INPP4B: variants seen among roughly 807,000 people sequenced by gnomAD.
INPP4B encodes inositol polyphosphate 4-phosphatase type II.
A neutral mutation model predicts 122.5 loss-of-function variants in INPP4B; 55 were observed. That is an observed-to-expected ratio of 0.45 (90% CI 0.36 to 0.56). INPP4B has a LOEUF of 0.56. Among genes scored for constraint, INPP4B ranks in the 20% least tolerant of loss-of-function variants. The pLI, the probability that INPP4B is intolerant of heterozygous loss-of-function variation, is 0.00. For missense variants in INPP4B, 1,000 were observed against 1,097.7 expected (o/e 0.91, Z 1.26); for synonymous variants, 403 against 388.7 (o/e 1.04, Z -0.43).
chr4:142,665,108 C>T (rs1014802042), intron 2 of INPP4B, among the ~76,000 whole-genome samples: 2 of 152,150 alleles, frequency 1.3e-5, no homozygotes, highest in African/African-American at 4.8e-5. Flanking sequence ...ATCAGACCAC[C>T]ATGGGATATG....
intron 14 of INPP4B, among the ~76,000 whole-genome samples, chr4:142,205,961 A>G (rs1842430959): frequency 6.6e-6 from 1 of 152,132 alleles, no homozygotes; most frequent in Non-Finnish European, 1.5e-5. Flanking sequence ...TGCTGCTATA[A>G]CATAATATTA....
Position 142,687,276 on chromosome 4 carries a change from T to G in INPP4B, c.-191+38563A>C, listed in dbSNP as rs2150707219. Among the ~76,000 whole-genome samples the G allele has an allele frequency of 1.3e-5, 2 of 152,120 alleles. 1 individual carries two copies. Among genetic ancestry groups the G allele is most frequent in the Admixed American group, 1.3e-4 (2 of 15,252 alleles). ...TTTTGATTATTTTTACTTATTAAAT[T>G]TCATCACATTCCAAAAGTGCTTCAG... On this transcript the variant is annotated intron_variant, in intron 2 of 25. Coordinates refer to ENST00000262992, the MANE Select transcript of INPP4B (RefSeq NM_001101669.3).
At chr4:142,221,765 G>T (rs139786708) in intron 12 of INPP4B, among the ~76,000 whole-genome samples, 3 of 151,960 alleles carry the variant, frequency 2.0e-5, no homozygotes, top group African/African-American at 7.3e-5. Flanking sequence ...GTAGCTGTTC[G>T]GTACTTACAA....
intron 1 of INPP4B, among the ~76,000 whole-genome samples, chr4:142,745,518 A>G (rs1272686934): frequency 6.6e-6 from 1 of 151,902 alleles, no homozygotes; most frequent in Non-Finnish European, 1.5e-5. Flanking sequence ...AGTTTTGACA[A>G]AAACTGTATG....
intron 18 of INPP4B, among the ~76,000 whole-genome samples, chr4:142,138,593 C>T (rs1805995976): frequency 6.6e-6 from 1 of 152,028 alleles, no homozygotes; most frequent in African/African-American, 2.4e-5. Flanking sequence ...TTCTGAGGAT[C>T]TCAGATAGAG....
intron 5 of INPP4B, among the ~76,000 whole-genome samples, chr4:142,420,212 T>C (rs1467000065): frequency 2.0e-5 from 3 of 152,116 alleles, no homozygotes; most frequent in African/African-American, 4.8e-5. Flanking sequence ...TGATTAAAGA[T>C]ATCCCTTAAT....
At chr4:142,329,417 G>T (rs1012867776) in intron 7 of INPP4B, among the ~76,000 whole-genome samples, 1 of 152,182 alleles carries the variant, frequency 6.6e-6, no homozygotes, top group African/African-American at 2.4e-5. Context: ...AAGAAAGGCA[G>T]GGCTCTGGGA....
chr4:142,267,231 A>C (rs1743243309), intron 10 of INPP4B, among the ~76,000 whole-genome samples: 1 of 152,212 alleles, frequency 6.6e-6, no homozygotes, highest in African/African-American at 2.4e-5. Context: ...AAGAAACCAC[A>C]AAAGAGCTTG....
chr4:142,790,116 A>G (rs1474341911), intron 1 of INPP4B, among the ~76,000 whole-genome samples: 1 of 152,194 alleles, frequency 6.6e-6, no homozygotes, highest in African/African-American at 2.4e-5. Flanking sequence ...AAGACCTGAA[A>G]CTATAAAAAT....
At chr4:142,283,702 G>A (rs1278638088) in intron 9 of INPP4B, among the ~76,000 whole-genome samples, 1 of 152,082 alleles carries the variant, frequency 6.6e-6, no homozygotes, top group East Asian at 1.9e-4. Flanking sequence ...TAATCTTATG[G>A]AACCACCATT....
chr4:142,531,751 C>T (rs1256523987), intron 2 of INPP4B, among the ~76,000 whole-genome samples: 1 of 151,874 alleles, frequency 6.6e-6, no homozygotes, highest in East Asian at 1.9e-4. Context: ...GGGAAAGACC[C>T]TACCAAATAT....
At chr4:142,188,127 A>G (rs1237413554) in intron 15 of INPP4B, among the ~76,000 whole-genome samples, 1 of 152,164 alleles carries the variant, frequency 6.6e-6, no homozygotes, top group Non-Finnish European at 1.5e-5. Flanking sequence ...ACAAAACTGG[A>G]AAATTATCAG....
At chr4:142,382,964 C>CT (rs1169059508) in intron 7 of INPP4B, among the ~76,000 whole-genome samples, 1 of 151,678 alleles carries the variant, frequency 6.6e-6, no homozygotes, top group African/African-American at 2.4e-5. Context: ...TTTATATTAC[C>CT]TTTTAAGGAC....
At chr4:142,254,081 C>A (rs906055147) in intron 11 of INPP4B, among the ~76,000 whole-genome samples, 1 of 151,892 alleles carries the variant, frequency 6.6e-6, no homozygotes, top group African/African-American at 2.4e-5. Context: ...GGAGGCACCC[C>A]CCAGCAGGGG....
intron 23 of INPP4B, among the ~76,000 whole-genome samples, chr4:142,102,808 T>C (rs1186695259): frequency 6.6e-6 from 1 of 152,024 alleles, no homozygotes; most frequent in Admixed American, 6.6e-5. Flanking sequence ...CATTGTTACC[T>C]CCCTAGAACC....
At chr4:142,758,535 G>T (rs1485738834) in intron 1 of INPP4B, among the ~76,000 whole-genome samples, 1 of 152,142 alleles carries the variant, frequency 6.6e-6, no homozygotes, top group Admixed American at 6.6e-5. Context: ...AGGGACACTT[G>T]CCCTCAACAG....
intron 22 of INPP4B, among the ~76,000 whole-genome samples, chr4:142,111,369 G>A (rs756202260): frequency 1.1e-4 from 17 of 151,854 alleles, no homozygotes; most frequent in Admixed American, 3.9e-4. Context: ...TTTTTGAGAC[G>A]GAGTTTTGCT....
At chr4:142,154,570 A>G (rs1816159543) in intron 17 of INPP4B, among the ~76,000 whole-genome samples, 1 of 152,104 alleles carries the variant, frequency 6.6e-6, no homozygotes, top group African/African-American at 2.4e-5. Context: ...CTTAGAGTTG[A>G]TTAAGACACT....
Position 142,024,273 on chromosome 4 carries a change from A to T in INPP4B, c.*4509T>A, listed in dbSNP as rs779751994. ...AAAAGATATAATATATTGGGACTTTATAAGCTAAGAAACATAAATACAGGT... is the reference window on the plus strand; with the variant it reads ...AAAAGATATAATATATTGGGACTTTTTAAGCTAAGAAACATAAATACAGGT... On this transcript the variant is annotated 3_prime_UTR_variant, in exon 26 of 26. Coordinates refer to ENST00000262992, the MANE Select transcript of INPP4B (RefSeq NM_001101669.3). 5 of 152,194 alleles carry T rather than the reference A, an allele frequency of 3.3e-5. No individual in the cohort carries two copies. Among genetic ancestry groups the T allele is most frequent in the Non-Finnish European group, 7.4e-5 (5 of 68,020 alleles). 9.4% of individuals were successfully genotyped at this position (152,194 alleles called of 1,614,324 possible).
Sources: gnomAD v4.1 joint callset for allele counts (sites outside exome capture counted in the v4.1 genomes callset) on GRCh38, gnomAD v4.1.1 for gene constraint, MANE v1.5 for transcripts, NCBI Gene and HGNC (gene_info 2026-07-23, HGNC 2026-07-21) for gene names.